DIS3L2: variants seen among roughly 807,000 people sequenced by gnomAD.
The protein encoded by DIS3L2 is DIS3 like 3'-5' exoribonuclease 2.
DIS3L2 carries 34 observed loss-of-function variants against 97.5 expected under a neutral mutation model. The ratio of observed to expected loss-of-function variants is 0.35; its 90% CI spans 0.27 to 0.46. The LOEUF is 0.46. Ranked by LOEUF, DIS3L2 falls within the 20% of genes least tolerant of loss-of-function variation. DIS3L2 has a pLI of 1.00. For missense variants in DIS3L2, 1,038 were observed against 1,146.0 expected, an observed-to-expected ratio of 0.91 and a Z score of 1.36; for synonymous variants, 435 against 445.2, an observed-to-expected ratio of 0.98 and a Z score of 0.29.
intron 10 of DIS3L2, among the ~76,000 whole-genome samples, chr2:232,230,976 A>T (rs752979307): frequency 6.6e-6 from 1 of 152,180 alleles, no homozygotes; most frequent in Non-Finnish European, 1.5e-5. Flanking sequence ...ATCACGTGAC[A>T]TGGTCTTTTT....
chr2:232,146,855 C>A (rs1034165746), intron 8 of DIS3L2, among the ~76,000 whole-genome samples: 6 of 152,026 alleles, frequency 3.9e-5, no homozygotes, highest in African/African-American at 1.4e-4. Context: ...AATTAAAAAA[C>A]CTCCAACTTT....
chr2:232,342,871 A>C lies in DIS3L2; in HGVS notation c.1582-474A>C, dbSNP rs1696143367. Among the ~76,000 whole-genome samples the C allele has an allele frequency of 1.3e-5, 2 of 152,094 alleles. 1 individual carries two copies. Among genetic ancestry groups the C allele is most frequent in the South Asian group, 4.1e-4 (2 of 4,828 alleles). On this transcript the variant is annotated intron_variant, in intron 13 of 13. Transcript: ENST00000273009. ...CAGGAGCAGCTGTGCCACCTGGGGA[A>C]GGGCTGCACGGTCGATGGGTCTTTT...
chr2:232,270,142 G>A (rs545371535), intron 13 of DIS3L2, among the ~76,000 whole-genome samples: 1 of 152,248 alleles, frequency 6.6e-6, no homozygotes, highest in South Asian at 2.1e-4. Flanking sequence ...GGTGGAGGTC[G>A]AGAAGAGAGA....
chr2:232,205,896 A>G (rs1001381279), intron 9 of DIS3L2, among the ~76,000 whole-genome samples: 66 of 152,234 alleles, frequency 4.3e-4, no homozygotes, highest in African/African-American at 1.5e-3. Context: ...GTGTTTCCTT[A>G]TACTGCATCA....
chr2:232,095,178 T>C (rs147212824), intron 6 of DIS3L2, among the ~76,000 whole-genome samples: 242 of 152,334 alleles, frequency 1.6e-3, no homozygotes, highest in African/African-American at 5.5e-3. Context: ...GAGTAAGGAC[T>C]TACTCCTGCC....
At chr2:232,214,470 C>T (rs1395176158) in intron 10 of DIS3L2, among the ~76,000 whole-genome samples, 1 of 152,190 alleles carries the variant, frequency 6.6e-6, no homozygotes, top group African/African-American at 2.4e-5. Context: ...TCTCATTTGA[C>T]AACCTATCAG....
chr2:232,085,815 AT>A (rs948925576), intron 5 of DIS3L2, among the ~76,000 whole-genome samples: 1 of 151,470 alleles, frequency 6.6e-6, no homozygotes, highest in Non-Finnish European at 1.5e-5. Context: ...ATTTTATTTT[AT>A]TTTTTTTAGA....
At chr2:232,041,417 G>T (rs1428266162) in intron 5 of DIS3L2, among the ~76,000 whole-genome samples, 1 of 152,180 alleles carries the variant, frequency 6.6e-6, no homozygotes, top group African/African-American at 2.4e-5. Context: ...GTTCAGAAAT[G>T]TGGGACTGTT....
rs181567910 is a variant in DIS3L2, at chr2:232,237,181, A to G, written c.1205-1352A>G. Among the ~76,000 whole-genome samples the G allele has an allele frequency of 4.9e-3, 751 of 152,304 alleles. 11 individuals are homozygous for G. The highest frequency in any genetic ancestry group is 0.017 in the African/African-American group (717 of 41,560). On this transcript the variant is annotated intron_variant, in intron 10 of 20. Transcript: ENST00000325385. The stretch of plus-strand genomic sequence containing the variant: ...TGTATGTGTATATTTTTATTTTCAC[A>G]TACACTATATTTGATAGGTGATTTA...
chr2:232,072,983 G>A (rs1696079285), intron 5 of DIS3L2, among the ~76,000 whole-genome samples: 1 of 152,122 alleles, frequency 6.6e-6, no homozygotes, highest in Non-Finnish European at 1.5e-5. Context: ...GTTTGGATTA[G>A]CTACCCTAAG....
rs543360422 is a variant in DIS3L2 at position 232,329,982 on chromosome 2, G to A, written c.1909G>A (p.Ala637Thr). ...QMGLPVDFSS[A>T]GALNKSLTQT... ...GGGGCTGCCCGTGGACTTCAGCTCC[G>A]CAGGAGCCCTCAATGTGAGTGGTGG... Residue 637 changes from alanine (A) to threonine (T), a missense_variant, in exon 15 of 21, where the codon GCA (alanine) becomes ACA (threonine). Physicochemically the swap from Ala to Thr is moderately conservative, Grantham distance 58. Coordinates refer to ENST00000325385, the MANE Select transcript of DIS3L2 (RefSeq NM_152383.5). The A allele has an allele frequency of 2.6e-5, 42 of 1,610,506 alleles. No individual in the cohort carries two copies. Among genetic ancestry groups the A allele is most frequent in the Admixed American group, 6.7e-5 (4 of 59,730 alleles).
chr2:232,030,232 C>A, intron 5 of DIS3L2, 152 bp downstream of exon 5: 1 of 658,460 alleles, frequency 1.5e-6, no homozygotes. Flanking sequence ...CTACCGAATG[C>A]TTGGAACTTA....
chr2:232,228,723 G>A (rs1302412014), intron 10 of DIS3L2, among the ~76,000 whole-genome samples: 1 of 152,134 alleles, frequency 6.6e-6, no homozygotes, highest in East Asian at 1.9e-4. Context: ...GGTGGCTGGG[G>A]TGGACATAGC....
At chr2:232,304,121 C>G (rs965938561) in intron 14 of DIS3L2, among the ~76,000 whole-genome samples, 5 of 151,892 alleles carry the variant, frequency 3.3e-5, no homozygotes, top group African/African-American at 9.7e-5. Flanking sequence ...AGGCCTCACA[C>G]CCCCTGGCAG....
intron 5 of DIS3L2, among the ~76,000 whole-genome samples, chr2:232,074,571 CTTTTTTTTTTT>C (rs66518544): frequency 9.6e-6 from 1 of 104,192 alleles, no homozygotes; most frequent in South Asian, 3.6e-4. Context: ...ATCAAGGAAC[CTTTTTTTTTTT>C]TTTTTTTTTG....
chr2:232,112,722 C>A (rs987102258), intron 6 of DIS3L2, among the ~76,000 whole-genome samples: 1 of 151,968 alleles, frequency 6.6e-6, no homozygotes, highest in Non-Finnish European at 1.5e-5. Context: ...GAGGCTCTAG[C>A]AACTGTAGAC....
rs1306700603 is a variant in DIS3L2, at chr2:232,268,401, G to A, written c.1659+4961G>A. ...GCTGCAGTGGAATGCTGTTATGTATGACCTTGACCTGTTCCAGCCTTTAAG... is the reference window on the plus strand; with the variant it reads ...GCTGCAGTGGAATGCTGTTATGTATAACCTTGACCTGTTCCAGCCTTTAAG... On this transcript the variant is annotated intron_variant, in intron 13 of 20. Transcript: ENST00000325385. The surrounding 1 kb of genome is among the most constrained non-coding windows in gnomAD (Gnocchi z 4.1). Among the ~76,000 whole-genome samples, 2 of 152,128 alleles carry A rather than the reference G, an allele frequency of 1.3e-5. No homozygotes were observed. Among genetic ancestry groups the A allele is most frequent in the African/African-American group, 2.4e-5 (1 of 41,400 alleles).
intron 1 of DIS3L2, among the ~76,000 whole-genome samples, chr2:231,966,359 G>A (rs1402941599): frequency 6.6e-6 from 1 of 151,786 alleles, no homozygotes; most frequent in East Asian, 1.9e-4. Flanking sequence ...AAGTAGAGAC[G>A]GGGTTTCACC....
chr2:232,194,164 C>G (rs1691687427), intron 9 of DIS3L2, among the ~76,000 whole-genome samples: 1 of 151,834 alleles, frequency 6.6e-6, no homozygotes, highest in Admixed American at 6.6e-5. Context: ...GTTATCTCTA[C>G]TATATATATC....
Sources: gnomAD v4.1 joint callset for allele counts (sites outside exome capture counted in the v4.1 genomes callset) on GRCh38, gnomAD v4.1.1 for gene constraint, Gnocchi (gnomAD v3.1) non-coding constraint, MANE v1.5 for transcripts, NCBI Gene and HGNC (gene_info 2026-07-23, HGNC 2026-07-21) for gene names.